OSBP2: variants seen among roughly 807,000 people sequenced by gnomAD.
The protein encoded by OSBP2 is oxysterol-binding protein 2.
OSBP2 carries 66 observed loss-of-function variants against 96.0 expected under a neutral mutation model. That is an observed-to-expected ratio of 0.69 (90% confidence interval 0.56 to 0.84). OSBP2 has a LOEUF of 0.84. Among genes scored for constraint, OSBP2 ranks in the 40% least tolerant of loss-of-function variants. The pLI, the probability that OSBP2 is intolerant of heterozygous loss-of-function variation, is 0.00. For missense variants in OSBP2, 1,038 were observed against 1,222.7 expected, an observed-to-expected ratio of 0.85 and a Z score of 2.25; for synonymous variants, 525 against 520.9, an observed-to-expected ratio of 1.01 and a Z score of -0.11.
At chr22:30,822,754 C>G in intron 2 of OSBP2, 2 of 1,438,630 alleles carry the variant, frequency 1.4e-6, no homozygotes, top group Non-Finnish European at 1.9e-6. Context: ...CCAGGCTCCC[C>G]GCGCATGCAC....
chr22:30,766,310 T>C (rs2090268831), intron 2 of OSBP2, among the ~76,000 whole-genome samples: 1 of 152,184 alleles, frequency 6.6e-6, no homozygotes, highest in South Asian at 2.1e-4. Flanking sequence ...GGAATGAACA[T>C]TGAATGGTAC....
intron 3 of OSBP2, among the ~76,000 whole-genome samples, chr22:30,876,051 A>T (rs1243650051): frequency 6.6e-6 from 1 of 152,244 alleles, no homozygotes; most frequent in Non-Finnish European, 1.5e-5. Context: ...CAGTTGGCGG[A>T]GAGGCAGATT....
chr22:30,824,599 C>G (rs1035834648), intron 2 of OSBP2, among the ~76,000 whole-genome samples: 1 of 152,124 alleles, frequency 6.6e-6, no homozygotes, highest in African/African-American at 2.4e-5. Context: ...CCCCTGACAT[C>G]GTTATGGGAA....
At chr22:30,733,096 G>A (rs1014352836) in intron 1 of OSBP2, among the ~76,000 whole-genome samples, 2 of 152,202 alleles carry the variant, frequency 1.3e-5, no homozygotes, top group Non-Finnish European at 2.9e-5. Context: ...CCTCCAAGGT[G>A]GAAGGGGTCT....
chr22:30,895,537 G>C (rs5749187), intron 12 of OSBP2, among the ~76,000 whole-genome samples: 83,581 of 152,016 alleles, frequency 0.55, 23,365 homozygotes, highest in East Asian at 0.75. Context: ...TTCTAAGTTA[G>C]AAAATTCTAC....
intron 1 of OSBP2, among the ~76,000 whole-genome samples, chr22:30,714,208 G>A (rs777799746): frequency 1.3e-5 from 2 of 151,964 alleles, no homozygotes; most frequent in Non-Finnish European, 2.9e-5. Flanking sequence ...ATGTTCTCTG[G>A]GCTCATGCAT....
intron 2 of OSBP2, among the ~76,000 whole-genome samples, chr22:30,818,282 C>T (rs1442796093): frequency 1.3e-5 from 2 of 151,886 alleles, no homozygotes; most frequent in East Asian, 1.9e-4. Flanking sequence ...TTCCTTTCAG[C>T]GTTTTTTTTT....
intron 1 of OSBP2, among the ~76,000 whole-genome samples, chr22:30,725,326 G>GGT (rs376317736): frequency 4.6e-5 from 7 of 151,968 alleles, no homozygotes; most frequent in African/African-American, 1.7e-4. Flanking sequence ...TAGCCAACAT[G>GGT]GTGAAACCCT....
intron 2 of OSBP2, among the ~76,000 whole-genome samples, chr22:30,795,517 C>T (rs1409038954): frequency 1.6e-5 from 2 of 125,558 alleles, no homozygotes; most frequent in Admixed American, 7.9e-5. Context: ...CTATCCAATG[C>T]ATTTTTTTTT....
At position 30,906,381 on chromosome 22, in the gene OSBP2, C is replaced by T; in HGVS notation, c.*42C>T. On this transcript the variant is annotated 3_prime_UTR_variant, in exon 14 of 14. Coordinates refer to ENST00000332585, the MANE Select transcript of OSBP2 (RefSeq NM_030758.4). Reference sequence around the variant, plus strand: ...AAATACAGGCGCCTGCACAGCCTGGCCCACCTGTTCATTAATGCACTCAAT... The same window carrying T: ...AAATACAGGCGCCTGCACAGCCTGGTCCACCTGTTCATTAATGCACTCAAT... 1.3e-6 allele frequency: 2 copies of T among 1,545,154 alleles called. No homozygotes were observed. The highest frequency in any genetic ancestry group is 2.5e-5 in the South Asian group (2 of 79,370).
At chr22:30,851,500 G>T (rs2038977550) in intron 2 of OSBP2, among the ~76,000 whole-genome samples, 1 of 152,022 alleles carries the variant, frequency 6.6e-6, no homozygotes, top group Non-Finnish European at 1.5e-5. Context: ...ATTCTTTAGG[G>T]CTTTCTAACA....
chr22:30,771,701 A>G (rs1013547344), intron 2 of OSBP2, among the ~76,000 whole-genome samples: 3 of 152,218 alleles, frequency 2.0e-5, no homozygotes, highest in Non-Finnish European at 4.4e-5. Context: ...TCTGTTTGCA[A>G]CATGAGATCC....
intron 3 of OSBP2, among the ~76,000 whole-genome samples, chr22:30,873,177 A>G (rs1475654670): frequency 6.6e-6 from 1 of 152,208 alleles, no homozygotes; most frequent in Non-Finnish European, 1.5e-5. Flanking sequence ...GTAGGTGGCC[A>G]TGCCAAGATA....
chr22:30,868,424 C>T lies in OSBP2; in HGVS notation c.854-2005C>T, dbSNP rs557286765. Among the ~76,000 whole-genome samples the T allele has an allele frequency of 1.9e-4, 29 of 152,354 alleles. No homozygotes were observed. In the East Asian group the frequency reaches 2.5e-3, roughly 13 times the overall value. ...TGGCCCAGCCCGTGTGGCCTCCAGACGTCTGGGGGCCGCAGTTGGGCTTCT... is the reference window on the plus strand; with the variant it reads ...TGGCCCAGCCCGTGTGGCCTCCAGATGTCTGGGGGCCGCAGTTGGGCTTCT... On this transcript the variant is annotated intron_variant, in intron 2 of 13. Coordinates refer to ENST00000332585, the MANE Select transcript of OSBP2 (RefSeq NM_030758.4).
At chr22:30,694,861 GC>G (rs1394884331), upstream of OSBP2, 31 of 888,936 alleles carry the variant, frequency 3.5e-5, no homozygotes, top group Admixed American at 9.4e-5. Context: ...CCCCCGGCCT[GC>G]CCCCCGCCCC....
At chr22:30,825,752 T>C (rs560739876) in intron 2 of OSBP2, among the ~76,000 whole-genome samples, 9 of 152,198 alleles carry the variant, frequency 5.9e-5, no homozygotes, top group Non-Finnish European at 8.8e-5. Context: ...CTGGTGGCCT[T>C]GGGCAGGCCC....
chr22:30,877,287 C>A (rs1330484356), intron 3 of OSBP2, among the ~76,000 whole-genome samples: 2 of 152,312 alleles, frequency 1.3e-5, no homozygotes, highest in Non-Finnish European at 2.9e-5. Flanking sequence ...CAGATCCGTG[C>A]TTGAATTACT....
At chr22:30,829,599 C>A (rs772690013) in intron 2 of OSBP2, among the ~76,000 whole-genome samples, 1 of 152,156 alleles carries the variant, frequency 6.6e-6, no homozygotes, top group Non-Finnish European at 1.5e-5. Context: ...GGATTGCAGG[C>A]GTGAGCCACC....
chr22:30,714,593 C>A (rs1254322016), intron 1 of OSBP2, among the ~76,000 whole-genome samples: 2 of 152,114 alleles, frequency 1.3e-5, no homozygotes, highest in Non-Finnish European at 2.9e-5. Context: ...TCCCCTTTCC[C>A]TACCCCTGGT....
Sources: allele counts gnomAD v4.1 joint callset (sites outside exome capture counted in the v4.1 genomes callset), GRCh38; gene constraint gnomAD v4.1.1; transcripts MANE v1.5; gene names NCBI Gene and HGNC (gene_info 2026-07-23, HGNC 2026-07-21).